Variants in ROS1 observed in about 807,000 individuals in gnomAD.
ROS1 encodes ROS proto-oncogene 1, receptor tyrosine kinase.
A neutral mutation model predicts 273.5 loss-of-function variants in ROS1; 263 were observed. The ratio of observed to expected loss-of-function variants is 0.96; its 90% CI spans 0.87 to 1.06. The LOEUF (loss-of-function observed/expected upper bound fraction) is 1.06, where lower values mean the gene tolerates loss of function less well. Ranked by LOEUF, ROS1 falls within the 50% of genes least tolerant of loss-of-function variation. The pLI is 0.00. For missense variants in ROS1, 2,833 were observed against 2,751.1 expected, an observed-to-expected ratio of 1.03 and a Z score of -0.67; for synonymous variants, 1,008 against 954.1, an observed-to-expected ratio of 1.06 and a Z score of -1.04.
In ROS1 at chr6:117,387,955, T is replaced by C; in HGVS notation, c.1824A>G (p.Lys608=). The change falls in exon 14 of 44, where the codon AAA becomes AAG. Residue 608 remains lysine, a synonymous_variant. Transcript: ENST00000368507. ...CTTCAGGAGGGTCTTGGGTGGATACTTTCACCTCATAGGTCCAGTTCTGCC... is the reference window on the plus strand; with the variant it reads ...CTTCAGGAGGGTCTTGGGTGGATACCTTCACCTCATAGGTCCAGTTCTGCC... ...SAWQNWTYEV[K]VSTQDPPEVT... The C allele has an allele frequency of 2.5e-6, 4 of 1,614,158 alleles. No individual in the cohort carries two copies. Among genetic ancestry groups the C allele is most frequent in the Non-Finnish European group, 3.4e-6 (4 of 1,179,976 alleles).
At chr6:117,291,519 T>C (rs1773838033) in intron 43 of ROS1, among the ~76,000 whole-genome samples, 1 of 152,196 alleles carries the variant, frequency 6.6e-6, no homozygotes, top group African/African-American at 2.4e-5. Context: ...ATTTCCCTAC[T>C]ACAGCCAGGG....
At chr6:117,294,976 A>G (rs1320759605) in intron 43 of ROS1, among the ~76,000 whole-genome samples, 1 of 152,186 alleles carries the variant, frequency 6.6e-6, no homozygotes, top group Non-Finnish European at 1.5e-5. Context: ...TTTATATAGA[A>G]CCACAAAAGA....
intron 18 of ROS1, among the ~76,000 whole-genome samples, chr6:117,372,806 G>C (rs1232072901): frequency 6.6e-6 from 1 of 152,208 alleles, no homozygotes; most frequent in Non-Finnish European, 1.5e-5. Flanking sequence ...ATCACAAAGA[G>C]CAAAAGAACA....
At position 117,379,072 on chromosome 6, in the gene ROS1, G is replaced by C; in HGVS notation, c.2569C>G (p.Leu857Val). Reference protein sequence around the residue: ...SQCIHLYTAVLRGQSTGDTTI... With the variant: ...SQCIHLYTAVVRGQSTGDTTI... Reference sequence around the variant, plus strand: ...GACTCTACTTACCTCTGTCCCCGAAGAACAGCTGTGTACAGGTGAATACAT... The same window carrying C: ...GACTCTACTTACCTCTGTCCCCGAACAACAGCTGTGTACAGGTGAATACAT... Residue 857 changes from leucine (L) to valine (V), a missense_variant, in exon 18 of 44, where the codon CTT becomes GTT. Physicochemically the swap from Leu to Val is conservative, Grantham distance 32. Transcript: ENST00000368507. The C allele has an allele frequency of 5.0e-6, 8 of 1,608,896 alleles. No individual in the cohort carries two copies. The highest frequency in any genetic ancestry group is 6.8e-6 in the Non-Finnish European group (8 of 1,176,344).
intron 12 of ROS1, among the ~76,000 whole-genome samples, chr6:117,392,558 C>T (rs1773152635): frequency 6.6e-6 from 1 of 152,076 alleles, no homozygotes; most frequent in Non-Finnish European, 1.5e-5. Context: ...ACAATAAATA[C>T]CTCATTTTGT....
chr6:117,352,729 G>T (rs1010500479), intron 27 of ROS1, among the ~76,000 whole-genome samples: 1 of 152,130 alleles, frequency 6.6e-6, no homozygotes, highest in Non-Finnish European at 1.5e-5. Flanking sequence ...AGAGAAAGAG[G>T]CCAGGCAGAG....
At chr6:117,338,885 G>C (rs1440733709) in intron 31 of ROS1, among the ~76,000 whole-genome samples, 1 of 152,098 alleles carries the variant, frequency 6.6e-6, no homozygotes, top group Admixed American at 6.6e-5. Context: ...GTGGGAGTGA[G>C]GGGGAGTGTG....
chr6:117,398,398 C>T (rs1179392439), intron 7 of ROS1, among the ~76,000 whole-genome samples: 2 of 152,038 alleles, frequency 1.3e-5, no homozygotes, highest in South Asian at 2.1e-4. Flanking sequence ...ACCATTTAGG[C>T]CGGGTGCAGT....
In ROS1 at chr6:117,288,295, A is replaced by T. The variant is rs1025858435; in HGVS notation, c.*197T>A. ...TAGTGTTCATCTCATAATTCTACTG[A>T]AAGTCAGGCAGCTGGTATGGGGATT... On this transcript the variant is annotated 3_prime_UTR_variant, in exon 44 of 44. Transcript: ENST00000368507. 1 of 586,816 alleles carries T rather than the reference A, an allele frequency of 1.7e-6. No individual in the cohort carries two copies. The highest frequency in any genetic ancestry group is 1.9e-5 in the African/African-American group (1 of 53,428). 36.4% of individuals were successfully genotyped at this position (586,816 alleles called of 1,614,324 possible). A position where few individuals can be genotyped will look rare whatever the true frequency, so the allele number is the denominator to read the frequency against.
chr6:117,382,459 A>G (rs1289285035), intron 17 of ROS1, among the ~76,000 whole-genome samples: 1 of 152,152 alleles, frequency 6.6e-6, no homozygotes, highest in Non-Finnish European at 1.5e-5. Flanking sequence ...ATGACTTAAA[A>G]TAAGAAAATC....
intron 7 of ROS1, among the ~76,000 whole-genome samples, chr6:117,398,283 ACAAC>A (rs968852771): frequency 1.1e-5 from 1 of 94,720 alleles, no homozygotes; most frequent in African/African-American, 8.4e-5. Flanking sequence ...CGAAAAAAAA[ACAAC>A]AACACAAAAA....
intron 1 of ROS1, 45 bp from the exon 2 acceptor site, chr6:117,418,551 G>C: frequency 6.9e-7 from 1 of 1,453,386 alleles, no homozygotes; most frequent in Non-Finnish European, 9.3e-7. Context: ...TCAGTACTGG[G>C]TTCCGTGTAA....
In ROS1 at chr6:117,362,510, T is replaced by G; in HGVS notation, c.3366+93A>C. ...AATCAAAATCTAGGTATGTGTGCCATTTACACTGTAACATATCCCAGAAAC... is the reference window on the plus strand; with the variant it reads ...AATCAAAATCTAGGTATGTGTGCCAGTTACACTGTAACATATCCCAGAAAC... On this transcript the variant is annotated intron_variant, in intron 22 of 43. Coordinates refer to ENST00000368507, the MANE Select transcript of ROS1 (RefSeq NM_001378902.1). 2.4e-6 allele frequency: 3 copies of G among 1,232,868 alleles called. No homozygotes were observed. In the South Asian group the frequency reaches 4.6e-5, roughly 19 times the overall value. The allele number at this position is 1,232,868 out of a possible 1,614,324, so 76.4% of individuals were successfully genotyped here.
At chr6:117,352,822 TC>T (rs1225111751) in intron 27 of ROS1, among the ~76,000 whole-genome samples, 167 bp downstream of exon 27, 2 of 152,172 alleles carry the variant, frequency 1.3e-5, no homozygotes, top group African/African-American at 2.4e-5. Flanking sequence ...TAATTTGTGA[TC>T]CAGGGCAAAC....
At chr6:117,348,752 A>C (rs577107689) in intron 27 of ROS1, among the ~76,000 whole-genome samples, 9 of 151,818 alleles carry the variant, frequency 5.9e-5, no homozygotes, top group Admixed American at 5.2e-4. Context: ...CCCTCTAAGC[A>C]CTGATTTTAC....
In ROS1 at chr6:117,308,827, C is replaced by G. The variant is rs1775315045; in HGVS notation, c.6518G>C (p.Arg2173Thr). ...DVLNYVQTGG[R>T]LEPPRNCPDD... ...AGGACAATTTCTTGGTGGCTCCAGTCTCCCTCCTGTTTGCACATAGTTTAA... is the reference window on the plus strand; with the variant it reads ...AGGACAATTTCTTGGTGGCTCCAGTGTCCCTCCTGTTTGCACATAGTTTAA... Residue 2173 changes from arginine to threonine, a missense_variant, in exon 42 of 44, where the codon AGA becomes ACA. Physicochemically the swap from Arg to Thr is moderately conservative, Grantham distance 71. Coordinates refer to ENST00000368507, the MANE Select transcript of ROS1 (RefSeq NM_001378902.1). 1 of 1,613,284 alleles carries G rather than the reference C, an allele frequency of 6.2e-7. No individual in the cohort carries two copies. The highest frequency in any genetic ancestry group is 1.7e-5 in the Admixed American group (1 of 59,860).
intron 22 of ROS1, among the ~76,000 whole-genome samples, chr6:117,361,644 C>T (rs1385887132): frequency 6.6e-6 from 1 of 150,568 alleles, no homozygotes; most frequent in African/African-American, 2.4e-5. Context: ...CTAATTTTTA[C>T]CAAATAGGAA....
At chr6:117,358,643 A>G (rs1279490300) in intron 24 of ROS1, among the ~76,000 whole-genome samples, 2 of 152,092 alleles carry the variant, frequency 1.3e-5, no homozygotes, top group African/African-American at 4.8e-5. Context: ...TATTTTTAGT[A>G]GAGACAGGGT....
chr6:117,404,377 T>C lies in ROS1; in HGVS notation c.368A>G (p.Asn123Ser), dbSNP rs1382176433. 6 of 1,613,862 alleles carry C rather than the reference T, an allele frequency of 3.7e-6. No homozygotes were observed. The Admixed American group carries it at 8.3e-5, about 22-fold the overall frequency. Reference protein sequence around the residue: ...APFASSIGSHNMTLRWKSANF... With the variant: ...APFASSIGSHSMTLRWKSANF... ...TGCAGATTTCCATCGTAATGTCATATTGTGGCTTCCAATGGAAGAAGCAAA... is the reference window on the plus strand; with the variant it reads ...TGCAGATTTCCATCGTAATGTCATACTGTGGCTTCCAATGGAAGAAGCAAA... Residue 123 changes from asparagine (N) to serine (S), a missense_variant, in exon 6 of 44, where the codon AAT becomes AGT. Coordinates refer to ENST00000368507, the MANE Select transcript of ROS1 (RefSeq NM_001378902.1).
Sources: gnomAD v4.1 joint callset for allele counts (sites outside exome capture counted in the v4.1 genomes callset) on GRCh38, gnomAD v4.1.1 for gene constraint, MANE v1.5 for transcripts, NCBI Gene and HGNC (gene_info 2026-07-23, HGNC 2026-07-21) for gene names.